The following PTPRT variants were observed in gnomAD, a reference collection of about 807,000 sequenced individuals.
PTPRT encodes the protein protein tyrosine phosphatase receptor type T.
PTPRT carries 56 observed loss-of-function variants against 176.8 expected under a neutral mutation model. The observed-to-expected ratio is 0.32, with a 90% confidence interval of 0.26 to 0.40. The LOEUF is 0.40. Ranked by LOEUF, PTPRT falls within the 10% of genes least tolerant of loss-of-function variation. PTPRT has a pLI of 1.00. For synonymous variants in PTPRT, 783 were observed against 739.0 expected (o/e 1.06, Z -0.96); for missense variants, 1,540 against 1,908.2 (o/e 0.81, Z 3.60).
chr20:42,259,867 A>T (rs2056716886), intron 13 of PTPRT, among the ~76,000 whole-genome samples: 1 of 152,232 alleles, frequency 6.6e-6, no homozygotes, highest in Non-Finnish European at 1.5e-5. Context: ...ATAACTGGAC[A>T]AAGCCCAGTG....
intron 6 of PTPRT, among the ~76,000 whole-genome samples, chr20:42,726,987 G>A (rs1569114890): frequency 6.6e-6 from 1 of 152,176 alleles, no homozygotes; most frequent in Non-Finnish European, 1.5e-5. Flanking sequence ...ATGAATAAAT[G>A]TCAGTGCCCC....
chr20:42,979,190 C>T (rs1030671641), intron 1 of PTPRT, among the ~76,000 whole-genome samples: 6 of 151,948 alleles, frequency 3.9e-5, no homozygotes, highest in Non-Finnish European at 7.4e-5. Flanking sequence ...TTGACTATGG[C>T]AATTTTTCTT....
intron 6 of PTPRT, among the ~76,000 whole-genome samples, chr20:42,751,583 C>T (rs2076770670): frequency 1.3e-5 from 2 of 152,184 alleles, no homozygotes; most frequent in Admixed American, 6.5e-5. Context: ...GACCCAACCA[C>T]AATGTGGGTG....
Position 42,307,119 on chromosome 20 carries a change from C to T in PTPRT, c.2139+8604G>A, listed in dbSNP as rs148089080. On this transcript the variant is annotated intron_variant, in intron 12 of 30. Transcript: ENST00000373187. ...AATTGTGGTAGTCATTGGGGAAGTT[C>T]TCAAATATTCCAGTTCTCCTAGGCA... 2.3e-3 allele frequency among the ~76,000 whole-genome samples: 344 copies of T among 152,276 alleles called. 3 individuals are homozygous for T. Among genetic ancestry groups the T allele is most frequent in the African/African-American group, 7.6e-3 (317 of 41,546 alleles).
At chr20:43,128,984 GTA>G (rs940447003) in intron 1 of PTPRT, among the ~76,000 whole-genome samples, 3 of 152,200 alleles carry the variant, frequency 2.0e-5, no homozygotes, top group African/African-American at 7.2e-5. Context: ...GCATGCGTGT[GTA>G]TATATGTTTT....
rs2012932680 is a variant in PTPRT at position 43,113,157 on chromosome 20, CCTT to C, written c.88+76486_88+76488del. Among the ~76,000 whole-genome samples, 3 of 152,052 alleles carry C rather than the reference CCTT, an allele frequency of 2.0e-5. No individual in the cohort carries two copies. The South Asian group carries it at 6.2e-4, about 32-fold the overall frequency. Reference sequence around the variant, plus strand: ...ACTCATTCATGATATAAACGTGTCTCCTTCTTTTAATTAACTACTTCTCTCATC... The same window carrying C: ...ACTCATTCATGATATAAACGTGTCTCCTTTTAATTAACTACTTCTCTCATC... On this transcript the variant is annotated intron_variant, in intron 1 of 30. Transcript: ENST00000373187.
intron 7 of PTPRT, among the ~76,000 whole-genome samples, chr20:42,546,599 CCTGT>C (rs1359000581): frequency 1.3e-5 from 2 of 152,162 alleles, no homozygotes; most frequent in Non-Finnish European, 2.9e-5. Context: ...CAGCTTGGTG[CCTGT>C]CTGTCTTGGC....
chr20:42,771,113 G>C (rs117777416), intron 5 of PTPRT, among the ~76,000 whole-genome samples: 26 of 152,166 alleles, frequency 1.7e-4, no homozygotes, highest in African/African-American at 6.0e-4. Context: ...ATGCTGGTTA[G>C]AGCAGAAAAT....
intron 1 of PTPRT, among the ~76,000 whole-genome samples, chr20:42,963,995 T>C (rs534541962): frequency 8.5e-5 from 13 of 152,194 alleles, no homozygotes; most frequent in African/African-American, 3.1e-4. Context: ...TTGTAACCCT[T>C]TAGAAATGTA....
At chr20:43,122,930 T>C (rs749139239) in intron 1 of PTPRT, among the ~76,000 whole-genome samples, 4 of 152,212 alleles carry the variant, frequency 2.6e-5, no homozygotes, top group Non-Finnish European at 5.9e-5. Flanking sequence ...CTCGGCTCAC[T>C]GCAGCCTCCA....
At chr20:42,345,458 CA>C (rs1027606155) in intron 11 of PTPRT, among the ~76,000 whole-genome samples, 38 of 146,868 alleles carry the variant, frequency 2.6e-4, no homozygotes, top group Non-Finnish European at 4.9e-4. Flanking sequence ...TATAGATATA[CA>C]TATATATATA....
chr20:42,423,178 T>TAAAAAAAAAAAAAAA (rs34775268), intron 9 of PTPRT, among the ~76,000 whole-genome samples: 1 of 88,114 alleles, frequency 1.1e-5, no homozygotes, highest in African/African-American at 4.4e-5. Flanking sequence ...ACCTTAAAAG[T>TAAAAAAAAAAAAAAA]AAAAAAAAAA....
chr20:42,169,549 TA>T (rs1242210194), intron 16 of PTPRT, among the ~76,000 whole-genome samples: 1 of 152,000 alleles, frequency 6.6e-6, no homozygotes, highest in East Asian at 1.9e-4. Flanking sequence ...ATTCCAACAA[TA>T]ACTAGTTGGA....
intron 16 of PTPRT, among the ~76,000 whole-genome samples, chr20:42,162,664 C>T (rs6030017): frequency 0.15 from 22,885 of 152,234 alleles, 1,912 homozygotes; most frequent in East Asian, 0.29. Context: ...TAATGTGTCT[C>T]CCCCAGATGT....
intron 6 of PTPRT, among the ~76,000 whole-genome samples, chr20:42,689,969 C>T (rs1216265739): frequency 6.6e-6 from 1 of 152,070 alleles, no homozygotes; most frequent in Admixed American, 6.5e-5. Flanking sequence ...TTGGTTACAG[C>T]AGCAATCAAA....
At chr20:42,419,925 C>G (rs754451727) in intron 9 of PTPRT, among the ~76,000 whole-genome samples, 10 of 152,120 alleles carry the variant, frequency 6.6e-5, no homozygotes, top group Non-Finnish European at 1.3e-4. Flanking sequence ...GAGACTGGAG[C>G]AATGCAGCCA....
Position 42,409,481 on chromosome 20 carries a change from CAAAAAAAAAAAAAAAAAAAAA to C in PTPRT, c.1560+38718_1560+38738del, listed in dbSNP as rs58932390. Among the ~76,000 whole-genome samples the C allele has an allele frequency of 1.3e-3, 142 of 112,118 alleles. 2 individuals are homozygous for C. The highest frequency in any genetic ancestry group is 5.6e-3 in the South Asian group (18 of 3,242). 73.6% of individuals were successfully genotyped at this position (112,118 alleles called of 152,430 possible). A position where few individuals can be genotyped will look rare whatever the true frequency, so the allele number is the denominator to read the frequency against. On this transcript the variant is annotated intron_variant, in intron 9 of 30. Transcript: ENST00000373187. ...TGGGCAACAGAACGAGACTCTGTCG[CAAAAAAAAAAAAAAAAAAAAA>C]AAAAAAAAAAAAAAAAGTATTATTT...
At chr20:42,539,443 C>T (rs912926441) in intron 7 of PTPRT, among the ~76,000 whole-genome samples, 1 of 149,936 alleles carries the variant, frequency 6.7e-6, no homozygotes, top group African/African-American at 2.5e-5. Flanking sequence ...CTTGATCTCT[C>T]ATTGCTTAAA....
At chr20:42,859,152 C>T (rs1301994541) in intron 2 of PTPRT, among the ~76,000 whole-genome samples, 1 of 152,148 alleles carries the variant, frequency 6.6e-6, no homozygotes, top group Non-Finnish European at 1.5e-5. Context: ...CAAGAAGGTA[C>T]ACCATTTTCT....
Sources: allele counts gnomAD v4.1 joint callset (sites outside exome capture counted in the v4.1 genomes callset), GRCh38; gene constraint gnomAD v4.1.1; transcripts MANE v1.5; gene names NCBI Gene and HGNC (gene_info 2026-07-23, HGNC 2026-07-21).